FBXO3: variants seen among roughly 807,000 people sequenced by gnomAD.
The protein encoded by FBXO3 is F-box protein 3, also known as F-box only protein 3.
FBXO3 carries 17 observed loss-of-function variants against 64.8 expected under a neutral mutation model. The observed-to-expected ratio is 0.26, with a 90% CI of 0.18 to 0.39. The LOEUF is 0.39. Among genes scored for constraint, FBXO3 ranks in the 10% least tolerant of loss-of-function variants. FBXO3 has a pLI of 1.00. For missense variants in FBXO3, 420 were observed against 589.9 expected (o/e 0.71, Z 2.98); for synonymous variants, 182 against 201.6 (o/e 0.90, Z 0.82).
intron 9 of FBXO3, among the ~76,000 whole-genome samples, chr11:33,748,000 G>A (rs1043786324): frequency 1.9e-4 from 29 of 151,730 alleles, no homozygotes; most frequent in Non-Finnish European, 5.9e-5. Context: ...ACAAAGATAA[G>A]GTAATCTAAA....
chr11:33,774,427 A>C lies in FBXO3; in HGVS notation c.71T>G (p.Ile24Ser). The change falls in exon 1 of 11, where the codon ATC becomes AGC. Residue 24 changes from isoleucine (I) to serine (S), a missense_variant. Coordinates refer to ENST00000265651, the MANE Select transcript of FBXO3 (RefSeq NM_012175.4). ...ESLPTDPLLLILSFLDYRDLI... is the reference protein window; with the variant it reads ...ESLPTDPLLLSLSFLDYRDLI... ...ATCCCGATAGTCCAAAAAGGATAAG[A>C]TGAGGAGCAGGGGATCGGTGGGCAG... 1 of 1,604,882 alleles carries C rather than the reference A, an allele frequency of 6.2e-7. No homozygotes were observed. Among genetic ancestry groups the C allele is most frequent in the South Asian group, 1.1e-5 (1 of 90,222 alleles).
intron 6 of FBXO3, among the ~76,000 whole-genome samples, chr11:33,751,950 A>C (rs894660176): frequency 9.2e-5 from 14 of 152,380 alleles, no homozygotes; most frequent in African/African-American, 3.4e-4. Context: ...TTGAACATAT[A>C]GAACAAAGAA....
chr11:33,746,550 T>C (rs1180095263), intron 10 of FBXO3: 1 of 639,932 alleles, frequency 1.6e-6, no homozygotes, highest in Non-Finnish European at 2.8e-6. Flanking sequence ...TCTGGGTATA[T>C]AATTCATATT....
In FBXO3 at chr11:33,743,186, C is replaced by T. The variant is rs1854729493; in HGVS notation, c.1240-1102G>A. ...GAAGGAATATTACCTTTTTCTAACT[C>T]AGAAATCACAGTGTCACTTTGCCGA... On this transcript the variant is annotated intron_variant, in intron 10 of 10. Coordinates refer to ENST00000265651, the MANE Select transcript of FBXO3 (RefSeq NM_012175.4). This position sits in a 1 kb window ranked among gnomAD's most constrained non-coding sequence, Gnocchi z 4.6. 1 of 152,194 alleles carries T rather than the reference C, an allele frequency of 6.6e-6. No homozygotes were observed. Among genetic ancestry groups the T allele is most frequent in the African/African-American group, 2.4e-5 (1 of 41,432 alleles). The allele number at this position is 152,194 out of a possible 1,614,324, so 9.4% of individuals were successfully genotyped here. A position where few individuals can be genotyped will look rare whatever the true frequency, so the allele number is the denominator to read the frequency against.
At chr11:33,768,407 A>G (rs1855428542) in intron 3 of FBXO3, among the ~76,000 whole-genome samples, 1 of 152,248 alleles carries the variant, frequency 6.6e-6, no homozygotes, top group Non-Finnish European at 1.5e-5. Flanking sequence ...GCTCTTACAC[A>G]GGTAAACACC....
Position 33,743,152 on chromosome 11 carries a change from C to A in FBXO3, c.1240-1068G>T, listed in dbSNP as rs1854729060. ...CATGTCCCAGGAGAGAAAGACAGAA[C>A]CCTAGGCTGAAGGAATATTACCTTT... On this transcript the variant is annotated intron_variant, in intron 10 of 10. Coordinates refer to ENST00000265651, the MANE Select transcript of FBXO3 (RefSeq NM_012175.4). This position sits in a 1 kb window ranked among gnomAD's most constrained non-coding sequence, Gnocchi z 4.6. 1 of 152,204 alleles carries A rather than the reference C, an allele frequency of 6.6e-6. No individual in the cohort carries two copies. Among genetic ancestry groups the A allele is most frequent in the Non-Finnish European group, 1.5e-5 (1 of 68,056 alleles). The allele number at this position is 152,204 out of a possible 1,614,324, so 9.4% of individuals were successfully genotyped here. A position where few individuals can be genotyped will look rare whatever the true frequency, so the allele number is the denominator to read the frequency against.
At chr11:33,746,319 C>T (rs955389573) in intron 10 of FBXO3, 26 of 246,212 alleles carry the variant, frequency 1.1e-4, no homozygotes, top group Non-Finnish European at 1.7e-4. Context: ...ATCTTCACTT[C>T]CAAACGCACA....
intron 3 of FBXO3, among the ~76,000 whole-genome samples, chr11:33,766,221 G>A (rs963764351): frequency 6.6e-6 from 1 of 152,168 alleles, no homozygotes; most frequent in East Asian, 1.9e-4. Flanking sequence ...GTTATGAGGA[G>A]CCAAGAAGCC....
At position 33,742,004 on chromosome 11, in the gene FBXO3, T is replaced by C. The variant is rs764262917; in HGVS notation, c.1320A>G (p.Ala440=). The C allele has an allele frequency of 6.2e-7, 1 of 1,603,324 alleles. No individual in the cohort carries two copies. The highest frequency in any genetic ancestry group is 2.2e-5 in the East Asian group (1 of 44,842). The change falls in exon 11 of 11, where the codon GCA becomes GCG. Residue 440 remains alanine (A), a synonymous_variant. Transcript: ENST00000265651. Reference sequence around the variant, plus strand: ...CATCTTCATCTGATTCATCCATATCTGCTGAATCATCATCCTCGTCTTCCT... The same window carrying C: ...CATCTTCATCTGATTCATCCATATCCGCTGAATCATCATCCTCGTCTTCCT... The part of the protein sequence containing the change: ...EEEEDEDDDS[A]DMDESDEDDE...
rs1855161040 is a variant in FBXO3 at position 33,758,415 on chromosome 11, T to C, written c.473+72A>G. 10 of 1,154,002 alleles carry C rather than the reference T, an allele frequency of 8.7e-6. No individual in the cohort carries two copies. In the South Asian group the frequency reaches 1.5e-4, roughly 18 times the overall value. 71.5% of individuals were successfully genotyped at this position (1,154,002 alleles called of 1,614,324 possible). A position where few individuals can be genotyped will look rare whatever the true frequency, so the allele number is the denominator to read the frequency against. On this transcript the variant is annotated intron_variant, in intron 4 of 10. Transcript: ENST00000265651. ...TTAATTTGTTAAGGGTAACTACAAA[T>C]ACAATTTATTTACTTTCATTCTAAA...
intron 6 of FBXO3, 140 bp downstream of exon 6, chr11:33,754,315 T>C: frequency 3.0e-6 from 2 of 663,360 alleles, no homozygotes; most frequent in Non-Finnish European, 2.5e-6. Context: ...TGCAGTACTT[T>C]ATAAACCAGC....
Sources: allele counts gnomAD v4.1 joint callset (sites outside exome capture counted in the v4.1 genomes callset), GRCh38; gene constraint gnomAD v4.1.1; non-coding constraint Gnocchi (gnomAD v3.1); transcripts MANE v1.5; gene names NCBI Gene and HGNC (gene_info 2026-07-23, HGNC 2026-07-21).